TMEM150C: variants seen among roughly 807,000 people sequenced by gnomAD.
The protein encoded by TMEM150C is transmembrane protein 150C.
Under a neutral mutation model 29.9 loss-of-function variants are expected in TMEM150C, and 10 were observed. The ratio of observed to expected loss-of-function variants is 0.33; its 90% CI spans 0.21 to 0.57. The LOEUF (loss-of-function observed/expected upper bound fraction) is 0.57, where lower values mean the gene tolerates loss of function less well. Ranked by LOEUF, TMEM150C falls within the 20% of genes least tolerant of loss-of-function variation. TMEM150C has a pLI of 0.88. For missense variants in TMEM150C, 251 were observed against 303.6 expected (o/e 0.83, Z 1.29); for synonymous variants, 101 against 112.5 (o/e 0.90, Z 0.64).
At chr4:82,487,993 A>G (rs1300129704) in intron 7 of TMEM150C, among the ~76,000 whole-genome samples, 1 of 152,056 alleles carries the variant, frequency 6.6e-6, no homozygotes, top group Admixed American at 6.5e-5. Flanking sequence ...GGTTGCATGA[A>G]TAAGTTCTTT....
chr4:82,509,001 T>C (rs1053022316), intron 1 of TMEM150C, among the ~76,000 whole-genome samples: 1 of 152,210 alleles, frequency 6.6e-6, no homozygotes, highest in Admixed American at 6.5e-5. Context: ...CTCCAAATGG[T>C]ATCATTTATC....
intron 1 of TMEM150C, among the ~76,000 whole-genome samples, chr4:82,542,394 T>A (rs1000646088): frequency 2.0e-5 from 3 of 152,118 alleles, no homozygotes; most frequent in Non-Finnish European, 4.4e-5. Context: ...ATAAAATGGG[T>A]TCAGATTATA....
rs1723057540 is a variant in TMEM150C at position 82,483,440 on chromosome 4, A to G, written c.*2071T>C. On this transcript the variant is annotated 3_prime_UTR_variant, in exon 8 of 8. Transcript: ENST00000449862. ...ACAAATGTCACCTTGGACTATTTAC[A>G]GTAAGACGCCTTTTTGACAGGAGAA... 6.6e-6 allele frequency: 1 copy of G among 152,258 alleles called. No homozygotes were observed. Among genetic ancestry groups the G allele is most frequent in the Admixed American group, 6.5e-5 (1 of 15,288 alleles). The allele number at this position is 152,258 out of a possible 1,614,324, so 9.4% of individuals were successfully genotyped here.
intron 1 of TMEM150C, among the ~76,000 whole-genome samples, chr4:82,509,332 A>G (rs1383868300): frequency 6.6e-6 from 1 of 152,114 alleles, no homozygotes; most frequent in Non-Finnish European, 1.5e-5. Flanking sequence ...CACTATTGAC[A>G]TTTTTGTTGC....
At chr4:82,521,507 A>G (rs937186089) in intron 1 of TMEM150C, among the ~76,000 whole-genome samples, 1 of 152,226 alleles carries the variant, frequency 6.6e-6, no homozygotes, top group Non-Finnish European at 1.5e-5. Flanking sequence ...CCATACACAC[A>G]TAGAAGATGA....
intron 6 of TMEM150C, chr4:82,491,240 G>A: frequency 1.5e-6 from 1 of 678,528 alleles, no homozygotes; most frequent in Non-Finnish European, 2.7e-6. Context: ...TCTTAGTGGG[G>A]ACGTCCTCTT....
Position 82,490,174 on chromosome 4 carries a change from G to A in TMEM150C, c.428C>T (p.Thr143Ile). 1 of 1,613,976 alleles carries A rather than the reference G, an allele frequency of 6.2e-7. No individual in the cohort carries two copies. The highest frequency in any genetic ancestry group is 8.5e-7 in the Non-Finnish European group (1 of 1,179,876). Residue 143 changes from threonine (T) to isoleucine (I), a missense_variant, in exon 7 of 8, where the codon ACC becomes ATC. Physicochemically the swap from Thr to Ile is moderately conservative, Grantham distance 89. Transcript: ENST00000449862. ...TGTCAGCGCAGCCTGGATCCAGCAGGTCAATGTGCCAAATCCAAAGGTCAA... is the reference window on the plus strand; with the variant it reads ...TGTCAGCGCAGCCTGGATCCAGCAGATCAATGTGCCAAATCCAAAGGTCAA... ...TSLTFGFGTL[T>I]CWIQAALTLK...
chr4:82,510,803 G>A (rs79072152), intron 1 of TMEM150C, among the ~76,000 whole-genome samples: 74 of 152,212 alleles, frequency 4.9e-4, no homozygotes, highest in Middle Eastern at 6.8e-3. Context: ...TGAACGAGTC[G>A]CCCACTCATG....
intron 1 of TMEM150C, among the ~76,000 whole-genome samples, chr4:82,548,125 T>C (rs570973163): frequency 1.6e-3 from 244 of 152,240 alleles, no homozygotes; most frequent in African/African-American, 5.7e-3. Flanking sequence ...TACCGTACGT[T>C]CTCATAAGTG....
Position 82,499,096 on chromosome 4 carries a change from T to C in TMEM150C, c.236-2901A>G, listed in dbSNP as rs534909492. ...TTAGAATGATGGATCTAATAAAAGA[T>C]TCTGCCCCTATAACAGTTTTACTAA... On this transcript the variant is annotated intron_variant, in intron 5 of 7. Transcript: ENST00000449862. Among the ~76,000 whole-genome samples the C allele has an allele frequency of 3.9e-5, 6 of 152,318 alleles. No homozygotes were observed. In the East Asian group the frequency reaches 1.2e-3, roughly 29 times the overall value.
intron 1 of TMEM150C, among the ~76,000 whole-genome samples, chr4:82,549,155 T>A (rs1254476202): frequency 2.0e-5 from 3 of 152,170 alleles, no homozygotes; most frequent in Admixed American, 2.0e-4. Context: ...TATATATATG[T>A]GTGCATGTTT....
chr4:82,517,897 T>C (rs748122186), intron 1 of TMEM150C, among the ~76,000 whole-genome samples: 1 of 152,220 alleles, frequency 6.6e-6, no homozygotes. Context: ...AGTGGCTCCA[T>C]AGTTAACCAA....
chr4:82,561,864 CT>C lies in TMEM150C; in HGVS notation c.-11+41del, dbSNP rs2110098078. On this transcript the variant is annotated intron_variant, in intron 1 of 7. Coordinates refer to ENST00000449862, the MANE Select transcript of TMEM150C (RefSeq NM_001080506.3). ...CGGGGCCGGGCCGGACGCCCCCTGG[CT>C]GCGCGACGGGCCCAGGCAGGGGAGG... The C allele has an allele frequency of 5.1e-6, 5 of 983,638 alleles. No homozygotes were observed. The South Asian group carries it at 2.3e-4, about 46-fold the overall frequency. The allele number at this position is 983,638 out of a possible 1,614,324, so 60.9% of individuals were successfully genotyped here. A position where few individuals can be genotyped will look rare whatever the true frequency, so the allele number is the denominator to read the frequency against.
intron 1 of TMEM150C, among the ~76,000 whole-genome samples, chr4:82,523,045 G>A (rs1030324382): frequency 2.0e-5 from 3 of 152,170 alleles, no homozygotes; most frequent in Non-Finnish European, 4.4e-5. Context: ...AAGAATCTTT[G>A]TCAGAGGGTA....
At chr4:82,529,340 G>A (rs1724761027) in intron 1 of TMEM150C, among the ~76,000 whole-genome samples, 1 of 149,448 alleles carries the variant, frequency 6.7e-6, no homozygotes, top group Non-Finnish European at 1.5e-5. Context: ...CCAGGCTGGA[G>A]TGCAGTAGCA....
At chr4:82,537,468 G>T (rs561261325) in intron 1 of TMEM150C, among the ~76,000 whole-genome samples, 2 of 152,208 alleles carry the variant, frequency 1.3e-5, no homozygotes, top group African/African-American at 4.8e-5. Context: ...AAAACAACTG[G>T]GTGATAGGTA....
At chr4:82,544,121 T>G (rs1428491367) in intron 1 of TMEM150C, among the ~76,000 whole-genome samples, 1 of 152,208 alleles carries the variant, frequency 6.6e-6, no homozygotes, top group Non-Finnish European at 1.5e-5. Context: ...AAATATTCAT[T>G]AAGTTTTCAC....
chr4:82,528,416 T>C (rs530411841), intron 1 of TMEM150C, among the ~76,000 whole-genome samples: 2 of 152,362 alleles, frequency 1.3e-5, no homozygotes, highest in African/African-American at 4.8e-5. Context: ...GCTCCTGGCC[T>C]GGGGACCACA....
chr4:82,556,512 A>T (rs922766885), intron 1 of TMEM150C, among the ~76,000 whole-genome samples: 1 of 152,208 alleles, frequency 6.6e-6, no homozygotes, highest in East Asian at 1.9e-4. Flanking sequence ...TGTAAGAAAA[A>T]TTGTTTTGAA....
Sources: gnomAD v4.1 joint callset for allele counts (sites outside exome capture counted in the v4.1 genomes callset) on GRCh38, gnomAD v4.1.1 for gene constraint, MANE v1.5 for transcripts, NCBI Gene and HGNC (gene_info 2026-07-23, HGNC 2026-07-21) for gene names.